Variants in NT5DC3 observed in about 807,000 individuals in gnomAD.
The protein encoded by NT5DC3 is 5'-nucleotidase domain containing 3.
In NT5DC3, 42 loss-of-function variants were observed where a neutral mutation model predicts 67.8. The observed-to-expected ratio is 0.62, with a 90% CI of 0.48 to 0.80. NT5DC3 has a LOEUF of 0.80. Ranked by LOEUF, NT5DC3 falls within the 30% of genes least tolerant of loss-of-function variation. NT5DC3 has a pLI of 0.00. For synonymous variants in NT5DC3, 237 were observed against 255.6 expected (o/e 0.93, Z 0.69); for missense variants, 570 against 696.4 (o/e 0.82, Z 2.04).
the NT5DC3 span, chr12:103,763,813 A>G: frequency 2.0e-6 from 1 of 492,482 alleles, no homozygotes; most frequent in South Asian, 3.0e-5. Context: ...GGTAGACAGC[A>G]GAATCCTTGA....
chr12:103,746,815 C>T, the NT5DC3 span: 1 of 962,658 alleles, frequency 1.0e-6, no homozygotes, highest in Non-Finnish European at 1.7e-6. Context: ...TGGGCCACTT[C>T]AGCAGCACCT....
chr12:103,808,338 C>G (rs568999467), intron 2 of NT5DC3, among the ~76,000 whole-genome samples: 1 of 152,352 alleles, frequency 6.6e-6, no homozygotes, highest in Admixed American at 6.5e-5. Context: ...ACCTGCAGGA[C>G]AGAACATCTA....
At position 103,794,281 on chromosome 12, in the gene NT5DC3, T is replaced by C. The variant is rs566984142; in HGVS notation, c.754-284A>G. On this transcript the variant is annotated intron_variant, in intron 6 of 13. Transcript: ENST00000392876. ...TCTTCTGCCTCAGCCTCCAGAGTAG[T>C]TGGGATTACAGGCGCCCGCCAGCAC... is the stretch of plus-strand genomic sequence containing the variant. Among the ~76,000 whole-genome samples, 306 of 81,704 alleles carry C rather than the reference T, an allele frequency of 3.7e-3. 1 individual carries two copies. Among genetic ancestry groups the C allele is most frequent in the Non-Finnish European group, 1.4e-3 (54 of 38,886 alleles). 53.6% of individuals were successfully genotyped at this position (81,704 alleles called of 152,430 possible). A position where few individuals can be genotyped will look rare whatever the true frequency, so the allele number is the denominator to read the frequency against.
chr12:103,755,348 T>G, the NT5DC3 span: 5 of 1,614,014 alleles, frequency 3.1e-6, no homozygotes, highest in Non-Finnish European at 4.2e-6. Context: ...ACCGGGCGGG[T>G]TGCCTACCCC....
At chr12:103,799,806 A>AAAAAAAAAATC (rs1566111095) in intron 4 of NT5DC3, among the ~76,000 whole-genome samples, 1 of 42,868 alleles carries the variant, frequency 2.3e-5, no homozygotes, top group Admixed American at 2.6e-4. Flanking sequence ...CCACATACCA[A>AAAAAAAAAATC]AAAAAAAAAA....
At chr12:103,752,580 A>T in the NT5DC3 span, among the ~76,000 whole-genome samples, 1 of 152,236 alleles carries the variant, frequency 6.6e-6, no homozygotes, top group Non-Finnish European at 1.5e-5. Flanking sequence ...ATGAATTTTT[A>T]AAACTTTTTT....
chr12:103,769,649 G>T (rs1406818059), downstream of NT5DC3, among the ~76,000 whole-genome samples: 1 of 152,212 alleles, frequency 6.6e-6, no homozygotes, highest in Non-Finnish European at 1.5e-5. Context: ...TGCAGGGTGG[G>T]AGGCTACAGC....
chr12:103,765,291 G>A, the NT5DC3 span, among the ~76,000 whole-genome samples: 1 of 152,072 alleles, frequency 6.6e-6, no homozygotes, highest in Non-Finnish European at 1.5e-5. Context: ...TTTACCTGAG[G>A]CAGGTGAGAA....
chr12:103,829,836 T>C (rs1431183205), intron 1 of NT5DC3, among the ~76,000 whole-genome samples: 2 of 152,158 alleles, frequency 1.3e-5, no homozygotes, highest in Admixed American at 6.5e-5. Flanking sequence ...CCTTTAAAAG[T>C]TCCTCCTTTA....
At chr12:103,829,359 A>G (rs1292172430) in intron 1 of NT5DC3, among the ~76,000 whole-genome samples, 1 of 152,228 alleles carries the variant, frequency 6.6e-6, no homozygotes, top group Non-Finnish European at 1.5e-5. Context: ...TCAGGCTACA[A>G]CTGGCCCATG....
the NT5DC3 span, among the ~76,000 whole-genome samples, chr12:103,752,894 ATAAAG>A: frequency 1.3e-5 from 2 of 152,250 alleles, no homozygotes; most frequent in Non-Finnish European, 1.5e-5. Flanking sequence ...TTACCAAAAA[ATAAAG>A]TAAAATTCTA....
At chr12:103,840,846 G>A (rs1304615494) in intron 1 of NT5DC3, 103 bp downstream of exon 1, 16 of 517,948 alleles carry the variant, frequency 3.1e-5, no homozygotes, top group African/African-American at 2.6e-4. Context: ...TGGAGGCCCT[G>A]GAGGTCCGCA....
chr12:103,767,369 A>ATGAT (rs549477509), downstream of NT5DC3, among the ~76,000 whole-genome samples: 78 of 152,302 alleles, frequency 5.1e-4, no homozygotes, highest in South Asian at 2.9e-3. Flanking sequence ...AGGCAAATTG[A>ATGAT]TGATTGATAG....
chr12:103,796,036 T>C (rs1449983955), intron 6 of NT5DC3, among the ~76,000 whole-genome samples: 1 of 152,262 alleles, frequency 6.6e-6, no homozygotes, highest in Non-Finnish European at 1.5e-5. Flanking sequence ...GAGGACTTTG[T>C]ATATGCTCAC....
intron 2 of NT5DC3, among the ~76,000 whole-genome samples, chr12:103,809,194 A>G (rs1000494471): frequency 4.6e-5 from 7 of 152,364 alleles, no homozygotes; most frequent in African/African-American, 1.4e-4. Flanking sequence ...GAGGGGTTCA[A>G]CAAGTTTGCT....
intron 1 of NT5DC3, among the ~76,000 whole-genome samples, chr12:103,821,313 C>T (rs1416806970): frequency 1.3e-5 from 2 of 152,186 alleles, no homozygotes; most frequent in African/African-American, 2.4e-5. Context: ...GACTGATAAA[C>T]CTTCAATACC....
At chr12:103,793,836 C>A in intron 7 of NT5DC3, 101 bp downstream of exon 7, 1 of 928,496 alleles carries the variant, frequency 1.1e-6, no homozygotes, top group Non-Finnish European at 1.8e-6. Context: ...AGCACTCATG[C>A]AGCCTCTGCT....
At chr12:103,746,474 C>T in the NT5DC3 span, 1 of 803,632 alleles carries the variant, frequency 1.2e-6, no homozygotes, top group South Asian at 1.6e-5. Context: ...CCCCATCTTC[C>T]TGCTGTACAG....
chr12:103,758,438 C>T, the NT5DC3 span: 2 of 1,346,042 alleles, frequency 1.5e-6, no homozygotes, highest in African/African-American at 1.4e-5. Flanking sequence ...CTCCCTTGGT[C>T]TTGGCACACT....
Sources: allele counts gnomAD v4.1 joint callset (sites outside exome capture counted in the v4.1 genomes callset), GRCh38; gene constraint gnomAD v4.1.1; transcripts MANE v1.5; gene names NCBI Gene and HGNC (gene_info 2026-07-23, HGNC 2026-07-21).